SCAPER: variants seen among roughly 807,000 people sequenced by gnomAD.
SCAPER encodes the protein S-phase cyclin A associated protein in the ER.
SCAPER carries 98 observed loss-of-function variants against 182.2 expected under a neutral mutation model. The ratio of observed to expected loss-of-function variants is 0.54; its 90% CI spans 0.46 to 0.64. The LOEUF is 0.64. SCAPER is among the 30% of genes least tolerant of loss of function. The pLI is 0.00. For synonymous variants in SCAPER, 605 were observed against 564.6 expected, an observed-to-expected ratio of 1.07 and a Z score of -1.01; for missense variants, 1,432 against 1,690.0, an observed-to-expected ratio of 0.85 and a Z score of 2.68.
At chr15:76,731,439 C>T (rs2060917284) in intron 16 of SCAPER, among the ~76,000 whole-genome samples, 1 of 152,112 alleles carries the variant, frequency 6.6e-6, no homozygotes, top group African/African-American at 2.4e-5. Flanking sequence ...TATATGATGG[C>T]AGCACTTGGT....
At chr15:76,348,804 T>A in intron 31 of SCAPER, 68 bp from the exon 32 acceptor site, 2 of 956,974 alleles carry the variant, frequency 2.1e-6, no homozygotes, top group Non-Finnish European at 3.1e-6. Context: ...ATTCATAAAT[T>A]AAACTTATTT....
chr15:76,583,700 C>G (rs187408141), intron 22 of SCAPER, among the ~76,000 whole-genome samples: 4 of 152,200 alleles, frequency 2.6e-5, no homozygotes, highest in Non-Finnish European at 4.4e-5. Flanking sequence ...CAGAAAAATG[C>G]AAATCAAAAC....
intron 7 of SCAPER, among the ~76,000 whole-genome samples, chr15:76,796,598 G>A (rs1025345285): frequency 6.6e-6 from 1 of 152,124 alleles, no homozygotes; most frequent in Non-Finnish European, 1.5e-5. Flanking sequence ...TGTGTTCTAC[G>A]ATGATAATGA....
At chr15:76,661,557 G>A (rs189202770) in intron 21 of SCAPER, among the ~76,000 whole-genome samples, 6 of 152,002 alleles carry the variant, frequency 3.9e-5, no homozygotes, top group Admixed American at 2.0e-4. Flanking sequence ...ATATTTATGC[G>A]GCCAGCAAAC....
Position 76,765,346 on chromosome 15 carries a change from G to T in SCAPER, c.1604C>A (p.Ser535Tyr). 1 of 1,611,356 alleles carries T rather than the reference G, an allele frequency of 6.2e-7. No homozygotes were observed. Among genetic ancestry groups the T allele is most frequent in the South Asian group, 1.1e-5 (1 of 90,776 alleles). The change falls in exon 13 of 32, where the codon TCT becomes TAT. Residue 535 changes from serine to tyrosine, a missense_variant. Ser to Tyr is a moderately radical substitution (Grantham distance 144, BLOSUM62 -2). Coordinates refer to ENST00000563290, the MANE Select transcript of SCAPER (RefSeq NM_020843.4). ...IHMHEKLSSPSRKRTIAESKK... is the reference protein window; with the variant it reads ...IHMHEKLSSPYRKRTIAESKK... Reference sequence around the variant, plus strand: ...TTTTCAAATGCCAGACCTTTTACGAGAGGGTGAAGAAAGTTTTTCATGCAT... The same window carrying T: ...TTTTCAAATGCCAGACCTTTTACGATAGGGTGAAGAAAGTTTTTCATGCAT...
intron 23 of SCAPER, among the ~76,000 whole-genome samples, chr15:76,545,347 T>C (rs535048770): frequency 6.6e-6 from 1 of 152,286 alleles, no homozygotes; most frequent in East Asian, 1.9e-4. Context: ...GTGCTAGAGA[T>C]GCAACTGCTT....
chr15:76,607,015 C>T (rs2050481962), intron 22 of SCAPER, among the ~76,000 whole-genome samples: 1 of 152,240 alleles, frequency 6.6e-6, no homozygotes, highest in African/African-American at 2.4e-5. Flanking sequence ...AGCCCATTTA[C>T]ATCTAAAGTT....
chr15:76,818,514 C>T (rs1432355216), intron 5 of SCAPER, among the ~76,000 whole-genome samples: 1 of 152,112 alleles, frequency 6.6e-6, no homozygotes, highest in Non-Finnish European at 1.5e-5. Flanking sequence ...TAAGACAAGC[C>T]ACAGACAGGG....
intron 24 of SCAPER, among the ~76,000 whole-genome samples, chr15:76,480,486 G>T (rs372007611): frequency 4.6e-5 from 7 of 152,202 alleles, no homozygotes; most frequent in Admixed American, 3.3e-4. Context: ...ACCAATTCTA[G>T]AGGCTGAAAC....
chr15:76,686,815 T>A (rs2058062632), intron 20 of SCAPER, among the ~76,000 whole-genome samples: 1 of 152,156 alleles, frequency 6.6e-6, no homozygotes, highest in Admixed American at 6.5e-5. Flanking sequence ...AGCAAGGTAT[T>A]CTTTTTGTAA....
At chr15:76,855,732 C>A in intron 4 of SCAPER, 1 of 252,462 alleles carries the variant, frequency 4.0e-6, no homozygotes, top group South Asian at 4.0e-5. Flanking sequence ...CCACTTCACA[C>A]CAGTCGGAAT....
intron 17 of SCAPER, among the ~76,000 whole-genome samples, chr15:76,708,822 T>A (rs1012058078): frequency 6.6e-6 from 1 of 152,112 alleles, no homozygotes; most frequent in Admixed American, 6.6e-5. Context: ...TCCCAGCACT[T>A]TGGGAGGCCA....
At chr15:76,360,510 TGA>T (rs1408288096) in intron 29 of SCAPER, among the ~76,000 whole-genome samples, 3 of 152,200 alleles carry the variant, frequency 2.0e-5, no homozygotes, top group African/African-American at 7.2e-5. Flanking sequence ...ACTGGACTCA[TGA>T]GCCCATTCCT....
At chr15:76,705,816 T>A in intron 18 of SCAPER, 87 bp downstream of exon 18, 1 of 842,744 alleles carries the variant, frequency 1.2e-6, no homozygotes, top group Non-Finnish European at 1.8e-6. Flanking sequence ...GAATACAAAT[T>A]AATTCAATTT....
chr15:76,579,265 C>CAAAAAAAA (rs71143342), intron 22 of SCAPER, among the ~76,000 whole-genome samples: 1 of 49,492 alleles, frequency 2.0e-5, no homozygotes, highest in Non-Finnish European at 3.3e-5. Flanking sequence ...GACTCTGTCT[C>CAAAAAAAA]AAAAAAAAAA....
rs534237717 is a variant in SCAPER at position 76,620,658 on chromosome 15, G to C, written c.2711+1106C>G. On this transcript the variant is annotated intron_variant, in intron 22 of 31. Transcript: ENST00000563290. The stretch of plus-strand genomic sequence containing the variant: ...ATATGTACACCAACAAGTGGTTATG[G>C]ATATTCCTCAACTTGGGGCACTTAA... Among the ~76,000 whole-genome samples the C allele has an allele frequency of 2.0e-5, 3 of 152,264 alleles. No individual in the cohort carries two copies. In the East Asian group the frequency reaches 5.8e-4, roughly 29 times the overall value.
intron 22 of SCAPER, among the ~76,000 whole-genome samples, chr15:76,609,226 C>T (rs1408772529): frequency 6.6e-6 from 1 of 151,986 alleles, no homozygotes; most frequent in Non-Finnish European, 1.5e-5. Flanking sequence ...ATGGCTCTCA[C>T]CTATAATCCC....
chr15:76,900,740 G>C (rs1336621327), intron 1 of SCAPER, among the ~76,000 whole-genome samples: 2 of 152,204 alleles, frequency 1.3e-5, no homozygotes, highest in Non-Finnish European at 2.9e-5. Flanking sequence ...GGTTGTAAAA[G>C]AGCAAGGAGT....
chr15:76,376,975 T>A (rs1168672371), intron 28 of SCAPER, among the ~76,000 whole-genome samples: 1 of 152,198 alleles, frequency 6.6e-6, no homozygotes, highest in Non-Finnish European at 1.5e-5. Context: ...TGAGTCTGTC[T>A]GTGCAGCCTG....
Sources: allele counts gnomAD v4.1 joint callset (sites outside exome capture counted in the v4.1 genomes callset), GRCh38; gene constraint gnomAD v4.1.1; transcripts MANE v1.5; gene names NCBI Gene and HGNC (gene_info 2026-07-23, HGNC 2026-07-21).